Variants in DPYSL2 observed in about 807,000 individuals in gnomAD.
DPYSL2 encodes the protein dihydropyrimidinase like 2, also known as dihydropyrimidinase-related protein 2.
Under a neutral mutation model 69.9 loss-of-function variants are expected in DPYSL2, and 13 were observed. The observed-to-expected ratio is 0.19, with a 90% CI of 0.12 to 0.30. The LOEUF is 0.30. DPYSL2 is among the 10% of genes least tolerant of loss of function. DPYSL2 has a pLI of 1.00. For synonymous variants in DPYSL2, 326 were observed against 359.1 expected, an observed-to-expected ratio of 0.91 and a Z score of 1.04; for missense variants, 587 against 918.9, an observed-to-expected ratio of 0.64 and a Z score of 4.67.
chr8:26,557,437 A>G (rs899622073), intron 1 of DPYSL2, among the ~76,000 whole-genome samples: 1 of 152,086 alleles, frequency 6.6e-6, no homozygotes, highest in Non-Finnish European at 1.5e-5. Flanking sequence ...GCAAATAAGC[A>G]TGTGAAAAGG....
intron 1 of DPYSL2, among the ~76,000 whole-genome samples, chr8:26,537,039 G>A (rs919060667): frequency 5.7e-4 from 1 of 1,754 alleles, no homozygotes; most frequent in African/African-American, 1.0e-3. Context: ...TAAATAATAC[G>A]GATTTTTTTT....
intron 1 of DPYSL2, among the ~76,000 whole-genome samples, chr8:26,553,019 A>G (rs1800893994): frequency 6.6e-6 from 1 of 152,228 alleles, no homozygotes; most frequent in Non-Finnish European, 1.5e-5. Context: ...AAGGAAGATT[A>G]TGAACAACTC....
intron 1 of DPYSL2, among the ~76,000 whole-genome samples, chr8:26,532,610 G>T (rs1177888087): frequency 1.3e-5 from 2 of 152,062 alleles, no homozygotes; most frequent in African/African-American, 4.8e-5. Context: ...TTATATACAT[G>T]GAAACATATA....
At chr8:26,570,468 C>T (rs955683050) in intron 1 of DPYSL2, among the ~76,000 whole-genome samples, 1 of 152,042 alleles carries the variant, frequency 6.6e-6, no homozygotes, top group African/African-American at 2.4e-5. Context: ...TGGCCAGGCG[C>T]GGGGGCTCAT....
chr8:26,578,845 A>G (rs1052458523), intron 1 of DPYSL2, among the ~76,000 whole-genome samples: 1 of 152,152 alleles, frequency 6.6e-6, no homozygotes, highest in Non-Finnish European at 1.5e-5. Flanking sequence ...GGCAGGGTGT[A>G]CCGGAATGGT....
chr8:26,639,741 A>G (rs1802998486), intron 8 of DPYSL2, among the ~76,000 whole-genome samples: 1 of 152,136 alleles, frequency 6.6e-6, no homozygotes, highest in Non-Finnish European at 1.5e-5. Flanking sequence ...CTTGCCTCTT[A>G]GAAGCCTTTG....
intron 1 of DPYSL2, among the ~76,000 whole-genome samples, chr8:26,523,515 T>G (rs1318717503): frequency 1.3e-5 from 2 of 152,220 alleles, no homozygotes; most frequent in African/African-American, 2.4e-5. Flanking sequence ...TTCTACTTTG[T>G]GTCTCTGTGA....
intron 3 of DPYSL2, among the ~76,000 whole-genome samples, chr8:26,622,030 C>T (rs1406775011): frequency 6.6e-6 from 1 of 151,892 alleles, no homozygotes; most frequent in Non-Finnish European, 1.5e-5. Flanking sequence ...GAGATTCTGC[C>T]CAAACTGATT....
chr8:26,602,080 T>C (rs566646394), intron 3 of DPYSL2, among the ~76,000 whole-genome samples: 1 of 152,092 alleles, frequency 6.6e-6, no homozygotes, highest in East Asian at 1.9e-4. Context: ...TAAAACAGAA[T>C]ACTTGAAGTT....
chr8:26,556,960 C>A (rs191865112), intron 1 of DPYSL2, among the ~76,000 whole-genome samples: 23 of 152,204 alleles, frequency 1.5e-4, no homozygotes, highest in Non-Finnish European at 5.9e-5. Context: ...GGAACAAGGA[C>A]AATTCAGTGT....
intron 3 of DPYSL2, among the ~76,000 whole-genome samples, chr8:26,596,597 C>T (rs111494787): frequency 6.6e-6 from 1 of 152,314 alleles, no homozygotes; most frequent in African/African-American, 2.4e-5. Flanking sequence ...TAATTGATAT[C>T]ATTTATCGGG....
chr8:26,646,633 G>A (rs1803171077), intron 10 of DPYSL2, among the ~76,000 whole-genome samples: 1 of 152,106 alleles, frequency 6.6e-6, no homozygotes, highest in African/African-American at 2.4e-5. Context: ...GGAAGCACTT[G>A]AGGAAATGTG....
chr8:26,635,035 A>T, intron 8 of DPYSL2, 135 bp downstream of exon 8: 1 of 1,331,722 alleles, frequency 7.5e-7, no homozygotes, highest in Non-Finnish European at 1.0e-6. Flanking sequence ...GCATTAACCT[A>T]ATTACAGCCG....
intron 1 of DPYSL2, among the ~76,000 whole-genome samples, chr8:26,573,527 G>A (rs1281316412): frequency 6.6e-6 from 1 of 152,012 alleles, no homozygotes. Context: ...AAATTAGCTG[G>A]GCGTGGTGGT....
chr8:26,576,916 C>T (rs1267526418), intron 1 of DPYSL2: 3 of 280,502 alleles, frequency 1.1e-5, no homozygotes, highest in African/African-American at 7.1e-5. Flanking sequence ...GCGAAATGCG[C>T]TGCGCCCCCA....
At position 26,593,529 on chromosome 8, in the gene DPYSL2, GGCCAGGGTGGAGTCTACA is replaced by G. The variant is rs1801788284; in HGVS notation, c.628+9552_628+9569del. ...GAGTGGGATCACACTGTTGCTATCT[GGCCAGGGTGGAGTCTACA>G]GCCAGATGCTCCCCAGAAGCTTAAC... On this transcript the variant is annotated intron_variant, in intron 3 of 13. Coordinates refer to ENST00000521913, the MANE Select transcript of DPYSL2 (RefSeq NM_001197293.3). This position sits in a 1 kb window ranked among gnomAD's most constrained non-coding sequence, Gnocchi z 5.7. Among the ~76,000 whole-genome samples, 1 of 152,212 alleles carries G rather than the reference GGCCAGGGTGGAGTCTACA, an allele frequency of 6.6e-6. No homozygotes were observed. Among genetic ancestry groups the G allele is most frequent in the Non-Finnish European group, 1.5e-5 (1 of 68,044 alleles).
chr8:26,577,003 G>C (rs1257199246), intron 1 of DPYSL2: 1 of 310,076 alleles, frequency 3.2e-6, no homozygotes, highest in Non-Finnish European at 6.4e-6. Flanking sequence ...CATCGGCCTC[G>C]GCGGGCTGCG....
intron 7 of DPYSL2, among the ~76,000 whole-genome samples, chr8:26,628,439 C>T (rs1488123699): frequency 6.6e-6 from 1 of 152,182 alleles, no homozygotes; most frequent in African/African-American, 2.4e-5. Flanking sequence ...AGGGAAGATT[C>T]AGAGCAGGGG....
intron 1 of DPYSL2, among the ~76,000 whole-genome samples, chr8:26,545,327 T>C (rs971244883): frequency 1.3e-5 from 2 of 152,130 alleles, no homozygotes. Flanking sequence ...TCAACCACAA[T>C]GAAATGTAAC....
Sources: gnomAD v4.1 joint callset for allele counts (sites outside exome capture counted in the v4.1 genomes callset) on GRCh38, gnomAD v4.1.1 for gene constraint, Gnocchi (gnomAD v3.1) non-coding constraint, MANE v1.5 for transcripts, NCBI Gene and HGNC (gene_info 2026-07-23, HGNC 2026-07-21) for gene names.